The following GLT8D2 variants were observed in gnomAD, a reference collection of about 807,000 sequenced individuals.
GLT8D2 encodes glycosyltransferase 8 domain-containing protein 2.
GLT8D2 carries 45 observed loss-of-function variants against 44.5 expected under a neutral mutation model. The observed-to-expected ratio is 1.01, with a 90% CI of 0.80 to 1.30. The LOEUF is 1.30. Ranked by LOEUF, GLT8D2 falls within the 50% of genes most tolerant of loss-of-function variation. The probability of loss-of-function intolerance (pLI) is 0.00; values close to 1 mark genes in which losing one functional copy is unlikely to be tolerated. For synonymous variants in GLT8D2, 156 were observed against 157.2 expected, an observed-to-expected ratio of 0.99 and a Z score of 0.06; for missense variants, 400 against 430.4, an observed-to-expected ratio of 0.93 and a Z score of 0.62.
At chr12:104,052,649 C>A (rs1881819388), upstream of GLT8D2, among the ~76,000 whole-genome samples, 1 of 152,110 alleles carries the variant, frequency 6.6e-6, no homozygotes, top group Non-Finnish European at 1.5e-5. Context: ...CTTATATGCC[C>A]CTATTCTAAA....
chr12:104,019,530 A>G, intron 3 of GLT8D2, 100 bp downstream of exon 3: 1 of 950,318 alleles, frequency 1.1e-6, no homozygotes, highest in Non-Finnish European at 1.6e-6. Flanking sequence ...CATGAAAATC[A>G]AACACAATCC....
chr12:104,000,035 C>G (rs191158750), intron 5 of GLT8D2, among the ~76,000 whole-genome samples: 4 of 152,192 alleles, frequency 2.6e-5, no homozygotes, highest in Non-Finnish European at 5.9e-5. Flanking sequence ...TCTCTTCCCC[C>G]TCCCTCTCCC....
chr12:104,005,737 G>A (rs1476816171), intron 4 of GLT8D2, among the ~76,000 whole-genome samples: 1 of 152,162 alleles, frequency 6.6e-6, no homozygotes, highest in Non-Finnish European at 1.5e-5. Context: ...GAAACAACAG[G>A]TCCTGGAGAG....
chr12:103,989,331 A>G lies in GLT8D2; in HGVS notation c.*77T>C. ...ATATGTATCAAAGGTAATATTCATA[A>G]AGAACAATGTTATAGTTGGCTACAA... On this transcript the variant is annotated 3_prime_UTR_variant, in exon 11 of 11. Transcript: ENST00000360814. 8.0e-7 allele frequency: 1 copy of G among 1,249,402 alleles called. No individual in the cohort carries two copies. Among genetic ancestry groups the G allele is most frequent in the Non-Finnish European group, 1.1e-6 (1 of 903,998 alleles). 77.4% of individuals were successfully genotyped at this position (1,249,402 alleles called of 1,614,324 possible).
At chr12:103,989,931 T>C (rs1203725371) in intron 10 of GLT8D2, among the ~76,000 whole-genome samples, 2 of 151,958 alleles carry the variant, frequency 1.3e-5, no homozygotes, top group African/African-American at 2.4e-5. Context: ...TACATGTGGA[T>C]TTACCAAATT....
At chr12:103,995,119 T>A (rs988482864) in intron 8 of GLT8D2, among the ~76,000 whole-genome samples, 2 of 152,184 alleles carry the variant, frequency 1.3e-5, no homozygotes, top group African/African-American at 2.4e-5. Context: ...GCTACCTTCC[T>A]GTTCAGGCCA....
intron 4 of GLT8D2, among the ~76,000 whole-genome samples, chr12:104,005,453 G>C (rs1874859647): frequency 1.3e-5 from 2 of 152,218 alleles, no homozygotes; most frequent in Admixed American, 1.3e-4. Context: ...GCAACCTACA[G>C]AATGGGAGAA....
At chr12:104,011,952 A>G (rs888684431) in intron 4 of GLT8D2, among the ~76,000 whole-genome samples, 1 of 151,902 alleles carries the variant, frequency 6.6e-6, no homozygotes, top group African/African-American at 2.4e-5. Context: ...TGGGCAGATC[A>G]TCTGAGGTCA....
intron 1 of GLT8D2, among the ~76,000 whole-genome samples, chr12:104,035,242 A>C (rs1879798326): frequency 6.6e-6 from 1 of 152,194 alleles, no homozygotes; most frequent in Non-Finnish European, 1.5e-5. Flanking sequence ...AAATTCTAAA[A>C]ACCAGAGCGC....
chr12:104,021,953 A>AGAG (rs1341244109), intron 1 of GLT8D2, among the ~76,000 whole-genome samples: 2 of 13,760 alleles, frequency 1.5e-4, no homozygotes, highest in Non-Finnish European at 2.8e-4. Flanking sequence ...AAGAAGAAGA[A>AGAG]GAGGAAGAAG....
intron 3 of GLT8D2, among the ~76,000 whole-genome samples, chr12:104,018,021 G>T (rs918868940): frequency 2.6e-5 from 4 of 151,954 alleles, no homozygotes; most frequent in African/African-American, 9.7e-5. Flanking sequence ...CCTGGCTGGA[G>T]TGCAGCAGTG....
chr12:104,037,865 T>G (rs921230945), intron 1 of GLT8D2, among the ~76,000 whole-genome samples: 6 of 152,078 alleles, frequency 3.9e-5, no homozygotes, highest in Non-Finnish European at 7.3e-5. Context: ...TAGACCAATA[T>G]CCCTTATGAA....
chr12:104,012,020 A>C (rs1875896626), intron 4 of GLT8D2, among the ~76,000 whole-genome samples: 1 of 151,562 alleles, frequency 6.6e-6, no homozygotes, highest in South Asian at 2.1e-4. Context: ...AAAAATACAA[A>C]ATTAGCCAGG....
Position 104,003,214 on chromosome 12 carries a change from T to G in GLT8D2, c.205A>C (p.Ile69Leu). ...TCAGTGTTGCTGTAGATGCTATTGATGGCAGCCATAGTGGCACCCATCCTC... is the reference window on the plus strand; with the variant it reads ...TCAGTGTTGCTGTAGATGCTATTGAGGGCAGCCATAGTGGCACCCATCCTC... ...AGRMGATMAA[I>L]NSIYSNTDAN... The change falls in exon 5 of 11, where the codon ATC becomes CTC. Residue 69 changes from isoleucine (I) to leucine (L), a missense_variant. By Grantham distance (5) the Ile-to-Leu change is conservative. Coordinates refer to ENST00000360814, the MANE Select transcript of GLT8D2 (RefSeq NM_001384711.1). 1 of 1,614,064 alleles carries G rather than the reference T, an allele frequency of 6.2e-7. No homozygotes were observed.
At chr12:104,036,162 A>C (rs1194699903) in intron 1 of GLT8D2, among the ~76,000 whole-genome samples, 1 of 152,252 alleles carries the variant, frequency 6.6e-6, no homozygotes, top group East Asian at 1.9e-4. Context: ...TGAAGGGAGC[A>C]CTAAACATGG....
At chr12:103,993,253 C>G in intron 10 of GLT8D2, 139 bp downstream of exon 10, 1 of 690,572 alleles carries the variant, frequency 1.4e-6, no homozygotes, top group South Asian at 1.6e-5. Flanking sequence ...ATTGCTTGAA[C>G]CCAGGAAGCG....
At chr12:104,017,918 G>C (rs1877097854) in intron 3 of GLT8D2, among the ~76,000 whole-genome samples, 1 of 152,038 alleles carries the variant, frequency 6.6e-6, no homozygotes. Context: ...GGCAATGCAG[G>C]CCCAATAAAG....
chr12:104,062,228 C>T (rs1882716556), intron 1 of GLT8D2, among the ~76,000 whole-genome samples: 1 of 151,846 alleles, frequency 6.6e-6, no homozygotes. Flanking sequence ...CATGCACCAC[C>T]ACGCCCGGCT....
At chr12:104,009,487 C>T (rs1875533343) in intron 4 of GLT8D2, among the ~76,000 whole-genome samples, 1 of 152,324 alleles carries the variant, frequency 6.6e-6, no homozygotes, top group East Asian at 1.9e-4. Flanking sequence ...ATTTTACAGG[C>T]TCATAGGCAG....
Sources: gnomAD v4.1 joint callset for allele counts (sites outside exome capture counted in the v4.1 genomes callset) on GRCh38, gnomAD v4.1.1 for gene constraint, MANE v1.5 for transcripts, NCBI Gene and HGNC (gene_info 2026-07-23, HGNC 2026-07-21) for gene names.